The following SUB1 variants were observed in gnomAD, a reference collection of about 807,000 sequenced individuals.
The protein encoded by SUB1 is SUB1 regulator of transcription, also known as activated RNA polymerase II transcriptional coactivator p15.
A neutral mutation model predicts 16.9 loss-of-function variants in SUB1; 1 was observed. That is an observed-to-expected ratio of 0.06 (90% CI 0.02 to 0.28). The LOEUF (loss-of-function observed/expected upper bound fraction) is 0.28, where lower values mean the gene tolerates loss of function less well. Among genes scored for constraint, SUB1 ranks in the 10% least tolerant of loss-of-function variants. The pLI is 1.00. For missense variants in SUB1, 84 were observed against 145.2 expected, an observed-to-expected ratio of 0.58 and a Z score of 2.16; for synonymous variants, 51 against 46.9, an observed-to-expected ratio of 1.09 and a Z score of -0.36.
rs1488721159 is a variant in SUB1, at chr5:32,602,346, T to C, written c.*1262T>C. ...ATAATTCTCTTCTATCTAAATGATA[T>C]ACATATGATATTTTGAGATTTTTAT... On this transcript the variant is annotated 3_prime_UTR_variant, in exon 5 of 5. Coordinates refer to ENST00000265073, the MANE Select transcript of SUB1 (RefSeq NM_006713.4). 1.2e-5 allele frequency: 4 copies of C among 342,720 alleles called. No individual in the cohort carries two copies. Among genetic ancestry groups the C allele is most frequent in the Non-Finnish European group, 1.7e-5 (3 of 173,766 alleles). 21.2% of individuals were successfully genotyped at this position (342,720 alleles called of 1,614,324 possible).
rs1161352509 is a variant in SUB1 at position 32,593,971 on chromosome 5, T to C, written c.195+2286T>C. Among the ~76,000 whole-genome samples, 3 of 152,252 alleles carry C rather than the reference T, an allele frequency of 2.0e-5. No individual in the cohort carries two copies. In the East Asian group the frequency reaches 5.8e-4, roughly 29 times the overall value. ...CCTCCCAAAGTGCTGGGATTACAGG[T>C]GTGAGCCACGGCGCCCAGCCTAGGC... is the stretch of plus-strand genomic sequence containing the variant. On this transcript the variant is annotated intron_variant, in intron 3 of 4. Coordinates refer to ENST00000265073, the MANE Select transcript of SUB1 (RefSeq NM_006713.4).
chr5:32,589,261 T>C (rs370782409), intron 2 of SUB1, among the ~76,000 whole-genome samples: 2 of 151,752 alleles, frequency 1.3e-5, no homozygotes, highest in Non-Finnish European at 2.9e-5. Flanking sequence ...AAAAAAAAAA[T>C]GTTTTTGTAG....
At chr5:32,590,837 G>A (rs537828670) in intron 2 of SUB1, among the ~76,000 whole-genome samples, 1 of 137,210 alleles carries the variant, frequency 7.3e-6, no homozygotes, top group African/African-American at 2.9e-5. Context: ...GCACGATCTC[G>A]GCTCACTGCA....
chr5:32,598,532 T>C (rs1395835189), intron 3 of SUB1: 1 of 158,780 alleles, frequency 6.3e-6, no homozygotes, highest in Admixed American at 6.4e-5. Context: ...AGTACACTAC[T>C]GTAGTTAATT....
chr5:32,597,640 A>T (rs1237494615), intron 3 of SUB1: 1 of 152,190 alleles, frequency 6.6e-6, no homozygotes, highest in Admixed American at 6.5e-5. Flanking sequence ...CAGTTTTGAT[A>T]CTGAGAGTAG....
intron 2 of SUB1, among the ~76,000 whole-genome samples, chr5:32,590,664 C>T (rs987812253): frequency 6.6e-5 from 10 of 151,032 alleles, no homozygotes; most frequent in Non-Finnish European, 1.3e-4. Flanking sequence ...GGCGCGATCT[C>T]GGCTCACTGC....
rs1739099592 is a variant in SUB1 at position 32,600,906 on chromosome 5, A to G, written c.305-99A>G. 15 of 1,157,360 alleles carry G rather than the reference A, an allele frequency of 1.3e-5. No individual in the cohort carries two copies. In the South Asian group the frequency reaches 1.5e-4, roughly 12 times the overall value. The allele number at this position is 1,157,360 out of a possible 1,614,324, so 71.7% of individuals were successfully genotyped here. ...AGGTGTGAGCCACCGCGCCCAGCCT[A>G]AAGTGGCAATTTTGATAAAACAGTA... On this transcript the variant is annotated intron_variant, in intron 4 of 4. Transcript: ENST00000265073.
At chr5:32,587,391 C>G (rs1420012706) in intron 1 of SUB1, among the ~76,000 whole-genome samples, 1 of 152,144 alleles carries the variant, frequency 6.6e-6, no homozygotes, top group Non-Finnish European at 1.5e-5. Context: ...CAAACTTGCA[C>G]TCAGGCACTC....
At chr5:32,596,853 C>T (rs1239528549) in intron 3 of SUB1, 1 of 152,088 alleles carries the variant, frequency 6.6e-6, no homozygotes, top group Non-Finnish European at 1.5e-5. Flanking sequence ...TGAGGAAAGC[C>T]TGTTCTTTTC....
chr5:32,593,801 C>G (rs763706114), intron 3 of SUB1, among the ~76,000 whole-genome samples: 3 of 151,960 alleles, frequency 2.0e-5, no homozygotes, highest in Non-Finnish European at 4.4e-5. Context: ...TCAAGAGATT[C>G]TCCTGCCTCA....
At chr5:32,589,356 G>A (rs970908914) in intron 2 of SUB1, among the ~76,000 whole-genome samples, 1 of 152,092 alleles carries the variant, frequency 6.6e-6, no homozygotes, top group Admixed American at 6.6e-5. Flanking sequence ...CAAAGTGCTG[G>A]GATTACAGGT....
chr5:32,590,287 A>G (rs934355050), intron 2 of SUB1, among the ~76,000 whole-genome samples: 3 of 152,130 alleles, frequency 2.0e-5, no homozygotes, highest in East Asian at 1.9e-4. Flanking sequence ...GTAACATTCA[A>G]TTAATTTAGT....
At chr5:32,595,777 G>C (rs6450910) in intron 3 of SUB1, 6 of 152,222 alleles carry the variant, frequency 3.9e-5, no homozygotes, top group South Asian at 2.1e-4. Context: ...GTACTACTTA[G>C]GAGATTCCAG....
intron 2 of SUB1, among the ~76,000 whole-genome samples, chr5:32,589,423 G>A (rs1738760854): frequency 6.6e-6 from 1 of 152,152 alleles, no homozygotes; most frequent in South Asian, 2.1e-4. Flanking sequence ...TTAGTTACTG[G>A]TGTTTATTCT....
At position 32,591,589 on chromosome 5, in the gene SUB1, A is replaced by G; in HGVS notation, c.99A>G (p.Pro33=). The G allele has an allele frequency of 1.2e-6, 2 of 1,606,224 alleles. No individual in the cohort carries two copies. The highest frequency in any genetic ancestry group is 1.7e-5 in the Admixed American group (1 of 58,250). Residue 33 remains proline, a synonymous_variant, in exon 3 of 5, where the codon CCA becomes CCG. Coordinates refer to ENST00000265073, the MANE Select transcript of SUB1 (RefSeq NM_006713.4). ...TAAAGAGGAAAAAGCAAGTTGCTCC[A>G]GAAAAACCTGTAAAGAAACAAAAGA... ...KKLKRKKQVA[P]EKPVKKQKTG...
chr5:32,602,530 G>A lies in SUB1; in HGVS notation c.*1446G>A, dbSNP rs1378319173. ...GAGTTTTGCACTATTTTGCTACCAA[G>A]TTTGATTCATACATCTAAAACATTT... is the stretch of plus-strand genomic sequence containing the variant. On this transcript the variant is annotated 3_prime_UTR_variant, in exon 5 of 5. Transcript: ENST00000265073. 5.9e-6 allele frequency: 1 copy of A among 170,754 alleles called. No individual in the cohort carries two copies. Among genetic ancestry groups the A allele is most frequent in the African/African-American group, 2.4e-5 (1 of 41,806 alleles). 10.6% of individuals were successfully genotyped at this position (170,754 alleles called of 1,614,324 possible).
chr5:32,602,553 TTTTGTAG>T lies in SUB1; in HGVS notation c.*1472_*1478del, dbSNP rs2111694308. 1 of 168,498 alleles carries T rather than the reference TTTTGTAG, an allele frequency of 5.9e-6. No individual in the cohort carries two copies. The highest frequency in any genetic ancestry group is 2.4e-5 in the African/African-American group (1 of 41,798). 10.4% of individuals were successfully genotyped at this position (168,498 alleles called of 1,614,324 possible). ...AAGTTTGATTCATACATCTAAAACA[TTTTGTAG>T]TTACTTGTCAAGGACTTAATTTGAA... is the stretch of plus-strand genomic sequence containing the variant. On this transcript the variant is annotated 3_prime_UTR_variant, in exon 5 of 5. Transcript: ENST00000265073.
Position 32,601,407 on chromosome 5 carries a change from A to G in SUB1, c.*323A>G, listed in dbSNP as rs2111690614. 1 of 198,096 alleles carries G rather than the reference A, an allele frequency of 5.0e-6. No individual in the cohort carries two copies. The highest frequency in any genetic ancestry group is 2.3e-5 in the African/African-American group (1 of 42,554). 12.3% of individuals were successfully genotyped at this position (198,096 alleles called of 1,614,324 possible). A position where few individuals can be genotyped will look rare whatever the true frequency, so the allele number is the denominator to read the frequency against. On this transcript the variant is annotated 3_prime_UTR_variant, in exon 5 of 5. Transcript: ENST00000265073. ...AAGTAACAGTTTTTATAGATCTTTTAGTTTCAACTCAGCTTTTACAATAAA... is the reference window on the plus strand; with the variant it reads ...AAGTAACAGTTTTTATAGATCTTTTGGTTTCAACTCAGCTTTTACAATAAA...
At chr5:32,590,762 A>ATCTTTTTTTTTTTTTTTTTTTTTT (rs1680786256) in intron 2 of SUB1, among the ~76,000 whole-genome samples, 1 of 33,960 alleles carries the variant, frequency 2.9e-5, no homozygotes, top group Non-Finnish European at 5.4e-5. Context: ...CGCCTGGCTA[A>ATCTTTTTTTTTTTTTTTTTTTTTT]TTTTTTTTTT....
Sources: gnomAD v4.1 joint callset for allele counts (sites outside exome capture counted in the v4.1 genomes callset) on GRCh38, gnomAD v4.1.1 for gene constraint, MANE v1.5 for transcripts, NCBI Gene and HGNC (gene_info 2026-07-23, HGNC 2026-07-21) for gene names.